The following TMBIM1 variants were observed in gnomAD, a reference collection of about 807,000 sequenced individuals.
TMBIM1 encodes transmembrane BAX inhibitor motif containing 1.
A neutral mutation model predicts 45.1 loss-of-function variants in TMBIM1; 34 were observed. The observed-to-expected ratio is 0.75, with a 90% confidence interval of 0.57 to 1.00. TMBIM1 has a LOEUF of 1.00. Ranked by LOEUF, TMBIM1 falls within the 50% of genes least tolerant of loss-of-function variation. TMBIM1 has a pLI of 0.00. For synonymous variants in TMBIM1, 157 were observed against 153.5 expected (o/e 1.02, Z -0.17); for missense variants, 374 against 402.4 (o/e 0.93, Z 0.60).
intron 11 of TMBIM1, 74 bp downstream of exon 11, chr2:218,275,952 A>C (rs1691159699): frequency 1.3e-6 from 2 of 1,531,268 alleles, no homozygotes; most frequent in Admixed American, 1.9e-5. Flanking sequence ...AGGCAGTCTA[A>C]ATTCATGCCC....
rs1253234554 is a variant in TMBIM1, at chr2:218,278,654, G to C, written c.423-89C>G. ...AGGCCAGTGATTTGGGGCCCAAATA[G>C]CCGTTTGGAAGTCTGAGGGGAAGCA... On this transcript the variant is annotated intron_variant, in intron 5 of 11. Transcript: ENST00000258412. The C allele has an allele frequency of 7.6e-6, 11 of 1,449,702 alleles. 1 individual carries two copies. In the Admixed American group the frequency reaches 1.9e-4, roughly 25 times the overall value. 89.8% of individuals were successfully genotyped at this position (1,449,702 alleles called of 1,614,324 possible).
intron 5 of TMBIM1, among the ~76,000 whole-genome samples, 197 bp from the exon 6 acceptor site, chr2:218,278,762 G>A (rs917856567): frequency 6.6e-6 from 1 of 152,252 alleles, no homozygotes; most frequent in Non-Finnish European, 1.5e-5. Context: ...CCAGGAAGGA[G>A]GTCTGGGGAG....
In TMBIM1 at chr2:218,282,169, C is replaced by A. The variant is rs1204037710; in HGVS notation, c.-28G>T. 1.4e-6 allele frequency: 2 copies of A among 1,445,622 alleles called. No individual in the cohort carries two copies. The highest frequency in any genetic ancestry group is 2.9e-5 in the African/African-American group (2 of 68,756). The allele number at this position is 1,445,622 out of a possible 1,614,324, so 89.5% of individuals were successfully genotyped here. On this transcript the variant is annotated 5_prime_UTR_variant, in exon 2 of 12. Coordinates refer to ENST00000258412, the MANE Select transcript of TMBIM1 (RefSeq NM_022152.6). ...CTGCTCACGGGCTGAGGGGGAACCC[C>A]AGCTGCTGGGACCTGAAATGGGAGA...
At chr2:218,278,993 G>T in intron 5 of TMBIM1, 45 bp downstream of exon 5, 2 of 1,609,554 alleles carry the variant, frequency 1.2e-6, no homozygotes, top group Non-Finnish European at 1.7e-6. Context: ...AACAGAAGCT[G>T]CCACCCCTGC....
rs761095430 is a variant in TMBIM1, at chr2:218,279,060, C to A, written c.400G>T (p.Val134Leu). 2 of 1,614,164 alleles carry A rather than the reference C, an allele frequency of 1.2e-6. No homozygotes were observed. Among genetic ancestry groups the A allele is most frequent in the Admixed American group, 3.3e-5 (2 of 60,024 alleles). The stretch of plus-strand genomic sequence containing the variant: ...CACTAGGACACGTAGTAGACAGCCA[C>A]ATTTCTCCTCACAAAGGCGCTGACA... The part of the protein sequence containing the change: ...EPVSAFVRRN[V>L]AVYYVSYAVF... Residue 134 changes from valine to leucine, a missense_variant, in exon 5 of 12, where the codon GTG becomes TTG. Physicochemically the swap from Val to Leu is conservative, Grantham distance 32. Coordinates refer to ENST00000258412, the MANE Select transcript of TMBIM1 (RefSeq NM_022152.6).
At position 218,287,465 on chromosome 2, in the gene TMBIM1, T is replaced by A. The variant is rs1295094842; in HGVS notation, c.-41+5001A>T. On this transcript the variant is annotated intron_variant, in intron 1 of 11. Transcript: ENST00000258412. ...TGGCTCATGCCTGTAATCCCAGCAC[T>A]TTGGGAGGCCGAGGCAGGTGGATCA... Among the ~76,000 whole-genome samples the A allele has an allele frequency of 2.0e-5, 3 of 152,052 alleles. No homozygotes were observed. The East Asian group carries it at 5.8e-4, about 29-fold the overall frequency.
intron 6 of TMBIM1, 90 bp from the exon 7 acceptor site, chr2:218,278,064 G>A (rs1006751657): frequency 2.6e-5 from 38 of 1,453,642 alleles, no homozygotes; most frequent in Non-Finnish European, 3.5e-5. Flanking sequence ...TGGCTCCTGT[G>A]CCTGGAGGAT....
rs1431765664 is a variant in TMBIM1 at position 218,280,088 on chromosome 2, T to G, written c.241A>C (p.Ser81Arg). 6.2e-7 allele frequency: 1 copy of G among 1,614,116 alleles called. No individual in the cohort carries two copies. The stretch of plus-strand genomic sequence containing the variant: ...CACTCTCCAGGCCCGAAGCTATCAC[T>G]CACTGCTCTCTCCTCCCCATCATAG... ...HGYDGEERAV[S>R]DSFGPGEWDD... Residue 81 changes from serine to arginine, a missense_variant, in exon 3 of 12, where the codon AGT (serine) becomes CGT (arginine). Physicochemically the swap from Ser to Arg is moderately radical, Grantham distance 110. Coordinates refer to ENST00000258412, the MANE Select transcript of TMBIM1 (RefSeq NM_022152.6).
At chr2:218,280,656 C>T (rs1691815642) in intron 2 of TMBIM1, 1 of 157,238 alleles carries the variant, frequency 6.4e-6, no homozygotes, top group Non-Finnish European at 1.4e-5. Flanking sequence ...TGAGAGCTGG[C>T]TGACACCCCT....
intron 2 of TMBIM1, among the ~76,000 whole-genome samples, 161 bp downstream of exon 2, chr2:218,281,779 G>A (rs530100383): frequency 1.3e-5 from 2 of 152,280 alleles, no homozygotes; most frequent in South Asian, 4.1e-4. Flanking sequence ...GGCAAAAAGT[G>A]GAGGGTAACA....
At chr2:218,291,981 G>A (rs1193205787) in intron 1 of TMBIM1, among the ~76,000 whole-genome samples, 5 of 145,074 alleles carry the variant, frequency 3.4e-5, no homozygotes, top group South Asian at 4.5e-4. Context: ...TGTCTACACC[G>A]AGACTGGCCT....
chr2:218,280,158 G>T, intron 2 of TMBIM1, 32 bp from the exon 3 acceptor site: 1 of 1,508,012 alleles, frequency 6.6e-7, no homozygotes, highest in Non-Finnish European at 9.2e-7. Flanking sequence ...CTCAGCTGGG[G>T]ACCTGAGACA....
Position 218,282,115 on chromosome 2 carries a change from T to C in TMBIM1, c.27A>G (p.Pro9=), listed in dbSNP as rs1418596929. 6.5e-7 allele frequency: 1 copy of C among 1,536,594 alleles called. No individual in the cohort carries two copies. Among genetic ancestry groups the C allele is most frequent in the Non-Finnish European group, 8.8e-7 (1 of 1,142,738 alleles). ...GGTACAGGGGGTTGCGGTCTTCATATGGTGGTGGGGCGCTGGGGTTGGACA... is the reference window on the plus strand; with the variant it reads ...GGTACAGGGGGTTGCGGTCTTCATACGGTGGTGGGGCGCTGGGGTTGGACA... The part of the protein sequence containing the change: MSNPSAPP[P]YEDRNPLYPG... Residue 9 remains proline, a synonymous_variant, in exon 2 of 12, where the codon CCA becomes CCG. Transcript: ENST00000258412.
intron 1 of TMBIM1, among the ~76,000 whole-genome samples, chr2:218,283,878 C>G (rs533677417): frequency 6.6e-6 from 1 of 152,192 alleles, no homozygotes; most frequent in East Asian, 1.9e-4. Flanking sequence ...GTCAGAAATA[C>G]AAAGCTGGCA....
At chr2:218,278,915 T>C (rs971754586) in intron 5 of TMBIM1, 123 bp downstream of exon 5, 2 of 1,119,542 alleles carry the variant, frequency 1.8e-6, no homozygotes, top group African/African-American at 3.1e-5. Flanking sequence ...CACGGGAAAC[T>C]GGCACCAACT....
In TMBIM1 at chr2:218,280,138, T is replaced by C. The variant is rs1239148934; in HGVS notation, c.203-12A>G. The stretch of plus-strand genomic sequence containing the variant: ...GCCATGGCCTGGGCCTAGGGACAGA[T>C]GACACTTGACTCAGCTGGGGACCTG... On this transcript the variant is annotated splice_polypyrimidine_tract_variant and intron_variant, in intron 2 of 11. Transcript: ENST00000258412. The C allele has an allele frequency of 3.1e-6, 5 of 1,595,850 alleles. No homozygotes were observed. The highest frequency in any genetic ancestry group is 3.4e-6 in the Non-Finnish European group (4 of 1,163,422).
At chr2:218,280,267 G>C (rs890501527) in intron 2 of TMBIM1, 141 bp from the exon 3 acceptor site, 1 of 661,644 alleles carries the variant, frequency 1.5e-6, no homozygotes, top group African/African-American at 1.8e-5. Context: ...CCCAAGCTGG[G>C]GTCTTCTAGA....
At chr2:218,275,908 G>A (rs1451273227) in intron 11 of TMBIM1, 118 bp downstream of exon 11, 2 of 1,234,574 alleles carry the variant, frequency 1.6e-6, no homozygotes, top group East Asian at 2.5e-5. Flanking sequence ...GTAGTGAGAG[G>A]AATGGCCTGC....
At position 218,280,140 on chromosome 2, in the gene TMBIM1, A is replaced by C. The variant is rs375257547; in HGVS notation, c.203-14T>G. 1 of 1,595,178 alleles carries C rather than the reference A, an allele frequency of 6.3e-7. No individual in the cohort carries two copies. Among genetic ancestry groups the C allele is most frequent in the Non-Finnish European group, 8.6e-7 (1 of 1,162,740 alleles). ...CATGGCCTGGGCCTAGGGACAGATG[A>C]CACTTGACTCAGCTGGGGACCTGAG... On this transcript the variant is annotated splice_polypyrimidine_tract_variant and intron_variant, in intron 2 of 11. Coordinates refer to ENST00000258412, the MANE Select transcript of TMBIM1 (RefSeq NM_022152.6).
Sources: allele counts gnomAD v4.1 joint callset (sites outside exome capture counted in the v4.1 genomes callset), GRCh38; gene constraint gnomAD v4.1.1; transcripts MANE v1.5; gene names NCBI Gene and HGNC (gene_info 2026-07-23, HGNC 2026-07-21).